MPP2: variants seen among roughly 807,000 people sequenced by gnomAD.
The protein encoded by MPP2 is MAGUK p55 scaffold protein 2.
Under a neutral mutation model 58.5 loss-of-function variants are expected in MPP2, and 42 were observed. The observed-to-expected ratio is 0.72, with a 90% confidence interval of 0.56 to 0.93. The LOEUF is 0.93. MPP2 is among the 40% of genes least tolerant of loss of function. The pLI, the probability that MPP2 is intolerant of heterozygous loss-of-function variation, is 0.00. For synonymous variants in MPP2, 300 were observed against 307.8 expected, an observed-to-expected ratio of 0.97 and a Z score of 0.26; for missense variants, 632 against 760.4, an observed-to-expected ratio of 0.83 and a Z score of 1.99.
intron 3 of MPP2, among the ~76,000 whole-genome samples, chr17:43,889,096 T>C (rs1031588471): frequency 4.6e-5 from 7 of 152,064 alleles, no homozygotes; most frequent in Admixed American, 3.3e-4. Flanking sequence ...TGGCTAATTT[T>C]TTATATTTCA....
chr17:43,903,052 A>C (rs1026039656), intron 2 of MPP2, among the ~76,000 whole-genome samples: 3 of 152,124 alleles, frequency 2.0e-5, no homozygotes, highest in African/African-American at 7.2e-5. Context: ...TTGGGAGGCC[A>C]AGGCAGGTGG....
chr17:43,889,323 T>A lies in MPP2; in HGVS notation c.151-5968A>T, dbSNP rs148195692. On this transcript the variant is annotated intron_variant, in intron 3 of 12. Transcript: ENST00000269095. ...TGTCAATATCCTACATCTAACCACA[T>A]GCCCCACTCACCCTTCCCACTTGCA... 7.6e-3 allele frequency among the ~76,000 whole-genome samples: 1,154 copies of A among 151,554 alleles called. 8 individuals are homozygous for A. Among genetic ancestry groups the A allele is most frequent in the Non-Finnish European group, 0.013 (873 of 67,898 alleles).
Position 43,880,707 on chromosome 17 carries a change from A to G in MPP2, c.1134T>C (p.Tyr378=). The change falls in exon 10 of 13, where the codon TAT becomes TAC. Residue 378 remains tyrosine (Y), a synonymous_variant. Coordinates refer to ENST00000269095, the MANE Select transcript of MPP2 (RefSeq NM_005374.5). The surrounding 1 kb of genome is among the most constrained non-coding windows in gnomAD (Gnocchi z 5.2). Reference sequence around the variant, plus strand: ...CCCACTCACAGGGCACCGTGGTGCCATAGCGATCTGGATCCCACATGATGA... The same window carrying G: ...CCCACTCACAGGGCACCGTGGTGCCGTAGCGATCTGGATCCCACATGATGA... ...NKLIMWDPDR[Y]GTTVPYTSRR... 1 of 1,611,958 alleles carries G rather than the reference A, an allele frequency of 6.2e-7. No individual in the cohort carries two copies. Among genetic ancestry groups the G allele is most frequent in the Non-Finnish European group, 8.5e-7 (1 of 1,178,588 alleles).
intron 3 of MPP2, among the ~76,000 whole-genome samples, chr17:43,890,710 G>T (rs1395226929): frequency 6.6e-6 from 1 of 152,226 alleles, no homozygotes; most frequent in African/African-American, 2.4e-5. Flanking sequence ...GTGAGCAGAG[G>T]CTTAGAAAGT....
At chr17:43,888,119 G>A (rs991432236) in intron 3 of MPP2, among the ~76,000 whole-genome samples, 1 of 152,154 alleles carries the variant, frequency 6.6e-6, no homozygotes, top group Non-Finnish European at 1.5e-5. Context: ...TCATAAGACT[G>A]CTGTGAGGAT....
At chr17:43,904,514 G>A in intron 1 of MPP2, 21 bp from the exon 2 acceptor site, 1 of 1,609,778 alleles carries the variant, frequency 6.2e-7, no homozygotes. Flanking sequence ...GAGAGAGGAG[G>A]ATGAGCAGAT....
chr17:43,883,791 A>T (rs886990862), intron 3 of MPP2, among the ~76,000 whole-genome samples: 5 of 152,096 alleles, frequency 3.3e-5, no homozygotes, highest in Non-Finnish European at 7.4e-5. Flanking sequence ...ATGGGACTTG[A>T]ACTTGCGTCT....
At chr17:43,909,496 G>C, upstream of MPP2, 2 of 1,183,528 alleles carry the variant, frequency 1.7e-6, no homozygotes, top group Non-Finnish European at 2.2e-6. Flanking sequence ...GAAGGATCTT[G>C]AATCTCTACA....
intron 3 of MPP2, among the ~76,000 whole-genome samples, chr17:43,887,511 C>G (rs1396763921): frequency 4.0e-5 from 6 of 150,494 alleles, no homozygotes; most frequent in African/African-American, 1.2e-4. Flanking sequence ...GCCTTGTTTT[C>G]TTCTAGGACG....
At position 43,876,184 on chromosome 17, in the gene MPP2, T is replaced by G. The variant is rs2046821166; in HGVS notation, c.*1623A>C. On this transcript the variant is annotated 3_prime_UTR_variant, in exon 13 of 13. Coordinates refer to ENST00000269095, the MANE Select transcript of MPP2 (RefSeq NM_005374.5). ...ACATTTGTAATAAATATTCTGTTTA[T>G]TCTCCTTCCCCTTCCCTAGGAAATG... The G allele has an allele frequency of 6.6e-6, 1 of 152,636 alleles. No homozygotes were observed. The highest frequency in any genetic ancestry group is 1.5e-5 in the Non-Finnish European group (1 of 68,034). 9.5% of individuals were successfully genotyped at this position (152,636 alleles called of 1,614,324 possible). A position where few individuals can be genotyped will look rare whatever the true frequency, so the allele number is the denominator to read the frequency against.
chr17:43,887,239 A>C (rs2047407171), intron 3 of MPP2, among the ~76,000 whole-genome samples: 2 of 152,032 alleles, frequency 1.3e-5, no homozygotes, highest in African/African-American at 2.4e-5. Context: ...ATTTTAATGC[A>C]TGGTGGCATG....
At chr17:43,895,560 T>C (rs868321907) in intron 3 of MPP2, among the ~76,000 whole-genome samples, 2 of 152,238 alleles carry the variant, frequency 1.3e-5, no homozygotes, top group Non-Finnish European at 2.9e-5. Context: ...GCACCTACTA[T>C]GTGTCAGGCA....
chr17:43,898,453 T>C, intron 2 of MPP2, 73 bp from the exon 3 acceptor site: 2 of 999,466 alleles, frequency 2.0e-6, no homozygotes, highest in Non-Finnish European at 3.1e-6. Context: ...ACCACAATAC[T>C]TGCCACTTCC....
At chr17:43,889,603 C>T (rs1176293276) in intron 3 of MPP2, among the ~76,000 whole-genome samples, 3 of 151,108 alleles carry the variant, frequency 2.0e-5, no homozygotes, top group Admixed American at 1.3e-4. Flanking sequence ...TCAGGTGATC[C>T]GCCCGGCTCA....
At chr17:43,900,323 G>T in intron 2 of MPP2, 1 of 797,418 alleles carries the variant, frequency 1.3e-6, no homozygotes, top group Non-Finnish European at 1.9e-6. Flanking sequence ...AGCCAAGGGA[G>T]TTGGTGCCCT....
chr17:43,879,276 G>A lies in MPP2; in HGVS notation c.1481C>T (p.Thr494Met), dbSNP rs746971117. The change falls in exon 12 of 13, where the codon ACG becomes ATG. Residue 494 changes from threonine (T) to methionine (M), a missense_variant and splice_region_variant. Coordinates refer to ENST00000269095, the MANE Select transcript of MPP2 (RefSeq NM_005374.5). This position sits in a 1 kb window ranked among gnomAD's most constrained non-coding sequence, Gnocchi z 4.1. ...TCCCCCACACCTCAGAGCCCTCACCGTGAGCTGCTTGGTGGATATTCCACT... is the reference window on the plus strand; with the variant it reads ...TCCCCCACACCTCAGAGCCCTCACCATGAGCTGCTTGGTGGATATTCCACT... ...LESGISTKQL[T>M]EADLRRTVEE... The A allele has an allele frequency of 9.9e-6, 16 of 1,609,124 alleles. No individual in the cohort carries two copies. Among genetic ancestry groups the A allele is most frequent in the African/African-American group, 5.4e-5 (4 of 74,742 alleles).
intron 3 of MPP2, among the ~76,000 whole-genome samples, chr17:43,892,964 G>A (rs1042291651): frequency 3.9e-5 from 6 of 152,100 alleles, no homozygotes; most frequent in African/African-American, 9.7e-5. Context: ...GGTATGTGGC[G>A]AGTGCAAAAT....
In MPP2 at chr17:43,876,619, TCCTCCCCAAATTAAA is replaced by T. The variant is rs1190134786; in HGVS notation, c.*1173_*1187del. On this transcript the variant is annotated 3_prime_UTR_variant, in exon 13 of 13. Coordinates refer to ENST00000269095, the MANE Select transcript of MPP2 (RefSeq NM_005374.5). ...GACCTCCAAAACAAAACCCTTTGCTTCCTCCCCAAATTAAACCTGACACACACACACACACACGCA... is the reference window on the plus strand; with the variant it reads ...GACCTCCAAAACAAAACCCTTTGCTTCCTGACACACACACACACACACGCA... 3 of 150,260 alleles carry T rather than the reference TCCTCCCCAAATTAAA, an allele frequency of 2.0e-5. No individual in the cohort carries two copies. Among genetic ancestry groups the T allele is most frequent in the African/African-American group, 5.0e-5 (2 of 39,962 alleles). 9.3% of individuals were successfully genotyped at this position (150,260 alleles called of 1,614,324 possible). A position where few individuals can be genotyped will look rare whatever the true frequency, so the allele number is the denominator to read the frequency against.
intron 1 of MPP2, chr17:43,907,262 G>A (rs1191889240): frequency 6.1e-6 from 6 of 985,452 alleles, no homozygotes; most frequent in Non-Finnish European, 7.2e-6. Flanking sequence ...GCGGGGACCA[G>A]TGTCAATGGG....
Sources: allele counts gnomAD v4.1 joint callset (sites outside exome capture counted in the v4.1 genomes callset), GRCh38; gene constraint gnomAD v4.1.1; non-coding constraint Gnocchi (gnomAD v3.1); transcripts MANE v1.5; gene names NCBI Gene and HGNC (gene_info 2026-07-23, HGNC 2026-07-21).